Variants in GNAQ observed in about 807,000 individuals in gnomAD.
GNAQ encodes the protein guanine nucleotide-binding protein G(q) subunit alpha.
A neutral mutation model predicts 43.9 loss-of-function variants in GNAQ; 8 were observed. The ratio of observed to expected loss-of-function variants is 0.18; its 90% CI spans 0.11 to 0.33. GNAQ has a LOEUF of 0.33. GNAQ is among the 10% of genes least tolerant of loss of function. The probability of loss-of-function intolerance (pLI) is 1.00; values close to 1 mark genes in which losing one functional copy is unlikely to be tolerated. For missense variants in GNAQ, 158 were observed against 450.8 expected (o/e 0.35, Z 5.88); for synonymous variants, 155 against 170.7 (o/e 0.91, Z 0.71).
chr9:77,872,829 A>G (rs1284123385), intron 2 of GNAQ, among the ~76,000 whole-genome samples: 1 of 152,238 alleles, frequency 6.6e-6, no homozygotes, highest in Non-Finnish European at 1.5e-5. Context: ...AAGTACACAT[A>G]GAAACCAACA....
chr9:77,873,920 A>G (rs923350921), intron 2 of GNAQ, among the ~76,000 whole-genome samples: 3 of 152,232 alleles, frequency 2.0e-5, no homozygotes, highest in Non-Finnish European at 4.4e-5. Flanking sequence ...AGCCTGGCCA[A>G]CACGGAGAAA....
At chr9:77,884,255 G>GT (rs1323758353) in intron 2 of GNAQ, among the ~76,000 whole-genome samples, 4 of 152,212 alleles carry the variant, frequency 2.6e-5, no homozygotes, top group South Asian at 2.1e-4. Flanking sequence ...GCAAGCCCCT[G>GT]TGGGGGTGTG....
intron 2 of GNAQ, among the ~76,000 whole-genome samples, chr9:77,817,791 G>A (rs1223429441): frequency 1.3e-5 from 2 of 152,176 alleles, no homozygotes; most frequent in African/African-American, 4.8e-5. Flanking sequence ...CATGAGCGAT[G>A]CTGCATGGGG....
At chr9:77,851,603 C>T (rs530489890) in intron 2 of GNAQ, among the ~76,000 whole-genome samples, 8 of 152,298 alleles carry the variant, frequency 5.3e-5, no homozygotes, top group African/African-American at 1.9e-4. Context: ...GCCTTTATTA[C>T]GTATCTCTGC....
At chr9:77,925,695 T>G (rs755197017) in intron 1 of GNAQ, among the ~76,000 whole-genome samples, 1 of 152,174 alleles carries the variant, frequency 6.6e-6, no homozygotes, top group Non-Finnish European at 1.5e-5. Context: ...GAAAAATCTG[T>G]ATGATGCAAA....
chr9:77,822,987 C>T (rs1360423900), intron 2 of GNAQ, among the ~76,000 whole-genome samples: 1 of 151,532 alleles, frequency 6.6e-6, no homozygotes, highest in African/African-American at 2.4e-5. Context: ...GGCTGGCAGG[C>T]TGGAGTGCAG....
intron 2 of GNAQ, among the ~76,000 whole-genome samples, chr9:77,841,236 T>C (rs1263384555): frequency 6.6e-6 from 1 of 152,200 alleles, no homozygotes; most frequent in Non-Finnish European, 1.5e-5. Context: ...GTATAACACA[T>C]ATATTAGAGA....
At chr9:77,860,168 T>C (rs1827821867) in intron 2 of GNAQ, among the ~76,000 whole-genome samples, 1 of 152,188 alleles carries the variant, frequency 6.6e-6, no homozygotes, top group South Asian at 2.1e-4. Context: ...GCATGGCCCA[T>C]GACCACCTGG....
intron 2 of GNAQ, among the ~76,000 whole-genome samples, chr9:77,834,885 A>G (rs1827358671): frequency 6.6e-6 from 1 of 152,190 alleles, no homozygotes; most frequent in African/African-American, 2.4e-5. Context: ...TCTGAATTCA[A>G]TGAGTTTCAA....
chr9:77,821,930 G>A (rs949594863), intron 2 of GNAQ, among the ~76,000 whole-genome samples: 3 of 152,112 alleles, frequency 2.0e-5, no homozygotes, highest in Non-Finnish European at 2.9e-5. Flanking sequence ...AAGAATATCT[G>A]AGGAACATTA....
chr9:77,747,800 C>T (rs1336936529), intron 5 of GNAQ, among the ~76,000 whole-genome samples: 1 of 152,192 alleles, frequency 6.6e-6, no homozygotes, highest in Non-Finnish European at 1.5e-5. Context: ...GTTGTAATTC[C>T]CGTGTGGGAC....
At chr9:77,751,591 A>T (rs1025868023) in intron 5 of GNAQ, among the ~76,000 whole-genome samples, 2 of 152,160 alleles carry the variant, frequency 1.3e-5, no homozygotes, top group African/African-American at 4.8e-5. Context: ...TGGGCTGGGG[A>T]TGGACAGAGA....
chr9:77,926,649 T>C (rs549132545), intron 1 of GNAQ, among the ~76,000 whole-genome samples: 1 of 152,296 alleles, frequency 6.6e-6, no homozygotes, highest in African/African-American at 2.4e-5. Flanking sequence ...ATCAAGTCAT[T>C]TAATAACTTT....
Position 77,823,146 on chromosome 9 carries a change from AGC to A in GNAQ, c.322-7378_322-7377del, listed in dbSNP as rs199819207. 8.0e-3 allele frequency among the ~76,000 whole-genome samples: 1,210 copies of A among 152,092 alleles called. 16 individuals are homozygous for A. Among genetic ancestry groups the A allele is most frequent in the African/African-American group, 0.028 (1,155 of 41,526 alleles). On this transcript the variant is annotated intron_variant, in intron 2 of 6. Transcript: ENST00000286548. ...AGTAGAGATGGGGTTTCACCGTGTT[AGC>A]CAGGATGGTCTCAATCTCCTGACCT...
chr9:77,743,432 A>G (rs1271661035), intron 5 of GNAQ, among the ~76,000 whole-genome samples: 2 of 152,186 alleles, frequency 1.3e-5, no homozygotes, highest in African/African-American at 2.4e-5. Context: ...TGAACTTACA[A>G]GTGTCTTGAA....
intron 6 of GNAQ, among the ~76,000 whole-genome samples, chr9:77,722,715 G>A: frequency 6.8e-6 from 1 of 146,966 alleles, no homozygotes. Context: ...ACAGTGTAGT[G>A]GAATGATCAT....
intron 5 of GNAQ, among the ~76,000 whole-genome samples, chr9:77,764,703 C>T (rs1384419867): frequency 6.6e-6 from 1 of 152,160 alleles, no homozygotes; most frequent in Non-Finnish European, 1.5e-5. Flanking sequence ...GATCCGCCAG[C>T]CTTGGCCTCC....
intron 2 of GNAQ, among the ~76,000 whole-genome samples, chr9:77,836,114 T>C (rs1587938445): frequency 6.6e-6 from 1 of 152,120 alleles, no homozygotes; most frequent in Non-Finnish European, 1.5e-5. Flanking sequence ...TAAGAAACTA[T>C]GACTGAAGAC....
intron 5 of GNAQ, among the ~76,000 whole-genome samples, chr9:77,731,673 T>C (rs1825491490): frequency 6.6e-6 from 1 of 152,328 alleles, no homozygotes. Context: ...AGTGTAGCTA[T>C]GAATCACATG....
Sources: allele counts gnomAD v4.1 joint callset (sites outside exome capture counted in the v4.1 genomes callset), GRCh38; gene constraint gnomAD v4.1.1; transcripts MANE v1.5; gene names NCBI Gene and HGNC (gene_info 2026-07-23, HGNC 2026-07-21).